Variants in SPATA16 observed in about 807,000 individuals in gnomAD.
SPATA16 encodes spermatogenesis associated 16.
Under a neutral mutation model 63.3 loss-of-function variants are expected in SPATA16, and 36 were observed. The observed-to-expected ratio is 0.57, with a 90% CI of 0.44 to 0.75. The LOEUF (loss-of-function observed/expected upper bound fraction) is 0.75, where lower values mean the gene tolerates loss of function less well. Ranked by LOEUF, SPATA16 falls within the 30% of genes least tolerant of loss-of-function variation. The pLI, the probability that SPATA16 is intolerant of heterozygous loss-of-function variation, is 0.00. For synonymous variants in SPATA16, 203 were observed against 216.7 expected (o/e 0.94, Z 0.56); for missense variants, 646 against 679.3 (o/e 0.95, Z 0.54).
intron 6 of SPATA16, among the ~76,000 whole-genome samples, chr3:172,955,520 T>C (rs917929502): frequency 6.6e-6 from 1 of 152,198 alleles, no homozygotes; most frequent in African/African-American, 2.4e-5. Flanking sequence ...CATATGGTTA[T>C]TATGGCCCGT....
intron 2 of SPATA16, among the ~76,000 whole-genome samples, chr3:173,070,716 AT>A (rs1231510455): frequency 1.3e-5 from 2 of 152,228 alleles, no homozygotes; most frequent in Admixed American, 6.5e-5. Context: ...CCCATTTGAA[AT>A]AGTTACAAAT....
chr3:172,982,491 C>T (rs998421955), intron 4 of SPATA16, among the ~76,000 whole-genome samples: 2 of 152,016 alleles, frequency 1.3e-5, no homozygotes, highest in Non-Finnish European at 2.9e-5. Context: ...TTATTGCTTC[C>T]CTGCAAGGAA....
chr3:173,020,898 T>C (rs533259276), intron 3 of SPATA16, among the ~76,000 whole-genome samples: 58 of 152,232 alleles, frequency 3.8e-4, no homozygotes, highest in Non-Finnish European at 6.6e-4. Flanking sequence ...TAGTTCATTA[T>C]TAAAGTAAGT....
At chr3:173,020,031 C>G (rs985981394) in intron 3 of SPATA16, among the ~76,000 whole-genome samples, 2 of 150,486 alleles carry the variant, frequency 1.3e-5, no homozygotes, top group African/African-American at 4.9e-5. Context: ...TGCGGTGGCT[C>G]ATGCCTGTAA....
chr3:172,984,291 A>G (rs947524968), intron 4 of SPATA16, among the ~76,000 whole-genome samples: 2 of 152,144 alleles, frequency 1.3e-5, no homozygotes, highest in African/African-American at 4.8e-5. Flanking sequence ...ACAGGAGCCT[A>G]CCATTACAGT....
At chr3:172,996,945 A>T (rs557570969) in intron 4 of SPATA16, among the ~76,000 whole-genome samples, 1 of 151,996 alleles carries the variant, frequency 6.6e-6, no homozygotes, top group Non-Finnish European at 1.5e-5. Flanking sequence ...TGAGTTAAAA[A>T]TTTTTTCATG....
intron 5 of SPATA16, among the ~76,000 whole-genome samples, chr3:172,970,547 GA>G (rs1280859521): frequency 6.6e-6 from 1 of 152,156 alleles, no homozygotes; most frequent in East Asian, 1.9e-4. Flanking sequence ...AATTGATGGG[GA>G]AAATATTTTT....
intron 6 of SPATA16, among the ~76,000 whole-genome samples, chr3:172,927,975 T>C (rs1732779675): frequency 6.6e-6 from 1 of 152,106 alleles, no homozygotes; most frequent in African/African-American, 2.4e-5. Context: ...AATGGCACTA[T>C]CTTGGCTCAC....
intron 2 of SPATA16, among the ~76,000 whole-genome samples, chr3:173,099,698 G>T (rs1369329408): frequency 6.6e-6 from 1 of 152,100 alleles, no homozygotes; most frequent in East Asian, 1.9e-4. Context: ...AATTTAAAAT[G>T]GATAAAACAA....
At chr3:173,005,060 C>T (rs560589183) in intron 4 of SPATA16, among the ~76,000 whole-genome samples, 3 of 152,126 alleles carry the variant, frequency 2.0e-5, no homozygotes, top group Admixed American at 1.3e-4. Flanking sequence ...CGGTGGCTCA[C>T]GCCTGTATTC....
Position 173,038,570 on chromosome 3 carries a change from A to G in SPATA16, c.758+10379T>C, listed in dbSNP as rs1360132148. 2.0e-4 allele frequency among the ~76,000 whole-genome samples: 31 copies of G among 151,928 alleles called. 1 individual carries two copies. The highest frequency in any genetic ancestry group is 5.9e-5 in the Non-Finnish European group (4 of 67,982). On this transcript the variant is annotated intron_variant, in intron 3 of 10. Coordinates refer to ENST00000351008, the MANE Select transcript of SPATA16 (RefSeq NM_031955.6). ...TCCTTACCTATTTCAGTTTTTCACCACTTGTCTGGAAATCTTTTTGCACGT... is the reference window on the plus strand; with the variant it reads ...TCCTTACCTATTTCAGTTTTTCACCGCTTGTCTGGAAATCTTTTTGCACGT...
intron 5 of SPATA16, among the ~76,000 whole-genome samples, chr3:172,965,191 T>C (rs1432173346): frequency 6.6e-6 from 1 of 152,202 alleles, no homozygotes; most frequent in Non-Finnish European, 1.5e-5. Flanking sequence ...TGTAAAGAGC[T>C]TCTACAACAT....
chr3:172,924,374 T>G (rs1732681120), intron 7 of SPATA16, 57 bp from the exon 8 acceptor site: 1 of 1,383,966 alleles, frequency 7.2e-7, no homozygotes, highest in Non-Finnish European at 1.0e-6. Flanking sequence ...CATTTCAAAA[T>G]ATTTTCTTTA....
intron 2 of SPATA16, among the ~76,000 whole-genome samples, chr3:173,074,063 T>G (rs1343557109): frequency 1.3e-5 from 2 of 152,224 alleles, no homozygotes; most frequent in Non-Finnish European, 2.9e-5. Flanking sequence ...CCCCATTGTT[T>G]TGGCCAATTT....
At chr3:172,913,867 C>A in intron 9 of SPATA16, 123 bp from the exon 10 acceptor site, 1 of 844,724 alleles carries the variant, frequency 1.2e-6, no homozygotes, top group South Asian at 1.5e-5. Flanking sequence ...CTCATCTTTC[C>A]TACAATGAAT....
At chr3:172,967,187 G>A (rs970107643) in intron 5 of SPATA16, among the ~76,000 whole-genome samples, 7 of 152,134 alleles carry the variant, frequency 4.6e-5, no homozygotes, top group South Asian at 4.1e-4. Flanking sequence ...ATCTCTAAGC[G>A]CATATCTTTC....
At chr3:173,050,914 C>G (rs1736071995) in intron 2 of SPATA16, among the ~76,000 whole-genome samples, 1 of 152,102 alleles carries the variant, frequency 6.6e-6, no homozygotes, top group Non-Finnish European at 1.5e-5. Flanking sequence ...AGTAATTATT[C>G]TAGAGAATCT....
chr3:173,002,451 G>T (rs1304871071), intron 4 of SPATA16, among the ~76,000 whole-genome samples: 3 of 152,152 alleles, frequency 2.0e-5, no homozygotes, highest in Non-Finnish European at 4.4e-5. Context: ...CTTTTGCAGA[G>T]TGAAATGGTG....
chr3:173,049,617 G>C (rs791828), intron 2 of SPATA16, among the ~76,000 whole-genome samples: 28,491 of 151,966 alleles, frequency 0.19, 2,946 homozygotes, highest in African/African-American at 0.27. Flanking sequence ...TGATTAATTT[G>C]AGTCTGAATC....
Sources: gnomAD v4.1 joint callset for allele counts (sites outside exome capture counted in the v4.1 genomes callset) on GRCh38, gnomAD v4.1.1 for gene constraint, MANE v1.5 for transcripts, NCBI Gene and HGNC (gene_info 2026-07-23, HGNC 2026-07-21) for gene names.